The following FAM227B variants were observed in gnomAD, a reference collection of about 807,000 sequenced individuals.
FAM227B encodes the protein protein FAM227B.
Under a neutral mutation model 73.8 loss-of-function variants are expected in FAM227B, and 88 were observed. The ratio of observed to expected loss-of-function variants is 1.19; its 90% CI spans 1.00 to 1.42. FAM227B has a LOEUF of 1.42. FAM227B is among the 40% of genes most tolerant of loss of function. The pLI is 0.00. For synonymous variants in FAM227B, 210 were observed against 190.5 expected, an observed-to-expected ratio of 1.10 and a Z score of -0.84; for missense variants, 632 against 590.9, an observed-to-expected ratio of 1.07 and a Z score of -0.72.
rs556418019 is a variant in FAM227B, at chr15:49,328,088, T to C, written c.*480A>G. The C allele has an allele frequency of 1.2e-6, 2 of 1,614,114 alleles. No homozygotes were observed. Among genetic ancestry groups the C allele is most frequent in the African/African-American group, 2.7e-5 (2 of 75,032 alleles). ...TTATTACCAGAGGAGTGATGGAAGC[T>C]TAGCACCGGAGAAGCAAAGTTTGTT... On this transcript the variant is annotated 3_prime_UTR_variant, in exon 16 of 16. Transcript: ENST00000299338.
chr15:49,371,352 TA>T lies in FAM227B; in HGVS notation c.1059del (p.Tyr353Ter). 6.2e-7 allele frequency: 1 copy of T among 1,604,904 alleles called. No homozygotes were observed. The highest frequency in any genetic ancestry group is 8.5e-7 in the Non-Finnish European group (1 of 1,173,416). On this transcript the variant is annotated frameshift_variant, in exon 12 of 16. Coordinates refer to ENST00000299338, the MANE Select transcript of FAM227B (RefSeq NM_152647.3). LOFTEE classifies it high-confidence loss of function. Reference protein sequence around the residue: ...IIKILNNPRAYTLPISKEESR... With the variant: ...IIKILNNPRAXTLPISKEESR... The stretch of plus-strand genomic sequence containing the variant: ...GATTCTTCCTTGGATATGGGCAACG[TA>T]TATGCTCTTGGGTTGTTCAGAATCT...
rs546573325 is a variant in FAM227B, at chr15:49,469,648, C to A, written c.1012+38563G>T. ...TATTTACTTAAATTCCTTGATTTTA[C>A]TATAAGGCAGACAAAAAGTAGCCAA... On this transcript the variant is annotated intron_variant, in intron 11 of 15. Transcript: ENST00000299338. Among the ~76,000 whole-genome samples the A allele has an allele frequency of 8.7e-4, 132 of 152,142 alleles. 5 individuals are homozygous for A. In the South Asian group the frequency reaches 0.026, roughly 30 times the overall value.
At chr15:49,413,057 C>A (rs1379327950) in intron 11 of FAM227B, among the ~76,000 whole-genome samples, 2 of 152,060 alleles carry the variant, frequency 1.3e-5, no homozygotes, top group Non-Finnish European at 2.9e-5. Flanking sequence ...AAATATTGGA[C>A]ATCTGGAATT....
At chr15:49,530,819 T>C (rs1392496308) in intron 10 of FAM227B, among the ~76,000 whole-genome samples, 1 of 151,494 alleles carries the variant, frequency 6.6e-6, no homozygotes, top group Non-Finnish European at 1.5e-5. Flanking sequence ...AATATATTTT[T>C]ATTAATTAAA....
At chr15:49,343,230 T>C (rs1454635782) in intron 13 of FAM227B, among the ~76,000 whole-genome samples, 1 of 152,174 alleles carries the variant, frequency 6.6e-6, no homozygotes, top group Non-Finnish European at 1.5e-5. Context: ...TTCTTAATTC[T>C]TTTTTTAATT....
intron 9 of FAM227B, among the ~76,000 whole-genome samples, chr15:49,564,542 T>C (rs1267178046): frequency 2.0e-5 from 3 of 152,228 alleles, no homozygotes; most frequent in African/African-American, 7.2e-5. Flanking sequence ...TGTACTTGTA[T>C]GTTCATCACA....
intron 10 of FAM227B, among the ~76,000 whole-genome samples, chr15:49,518,741 G>A (rs552821729): frequency 6.6e-6 from 1 of 152,028 alleles, no homozygotes; most frequent in Non-Finnish European, 1.5e-5. Context: ...GGGATTATGT[G>A]CTACAATTCA....
At chr15:49,602,568 G>C (rs1325483101) in intron 3 of FAM227B, among the ~76,000 whole-genome samples, 2 of 151,990 alleles carry the variant, frequency 1.3e-5, no homozygotes, top group Non-Finnish European at 2.9e-5. Context: ...TGAGTAATTT[G>C]CAAGTATTTC....
At chr15:49,569,489 A>G (rs2074933741) in intron 8 of FAM227B, among the ~76,000 whole-genome samples, 1 of 151,552 alleles carries the variant, frequency 6.6e-6, no homozygotes, top group Non-Finnish European at 1.5e-5. Context: ...TTGATTTTTA[A>G]TGTTTTATTA....
intron 13 of FAM227B, chr15:49,365,020 A>G: frequency 2.1e-6 from 1 of 487,278 alleles, no homozygotes; most frequent in Admixed American, 3.7e-5. Flanking sequence ...ATTTGCAAAC[A>G]TATCATTGAA....
chr15:49,605,978 A>G (rs1598512262), intron 3 of FAM227B, among the ~76,000 whole-genome samples: 1 of 152,134 alleles, frequency 6.6e-6, no homozygotes, highest in East Asian at 1.9e-4. Context: ...GTCCACGGCA[A>G]AGTTATGTGC....
At chr15:49,466,633 T>C (rs1372262190) in intron 11 of FAM227B, among the ~76,000 whole-genome samples, 3 of 152,062 alleles carry the variant, frequency 2.0e-5, no homozygotes, top group Non-Finnish European at 2.9e-5. Context: ...GAGGCAAAGG[T>C]CTAGCTAAGA....
At chr15:49,372,256 G>T (rs985224303) in intron 11 of FAM227B, among the ~76,000 whole-genome samples, 1 of 150,928 alleles carries the variant, frequency 6.6e-6, no homozygotes, top group East Asian at 1.9e-4. Flanking sequence ...ATAAATAAAT[G>T]AAATAAAATT....
chr15:49,511,494 G>A (rs1001831161), intron 10 of FAM227B, among the ~76,000 whole-genome samples: 1 of 151,862 alleles, frequency 6.6e-6, no homozygotes, highest in Non-Finnish European at 1.5e-5. Flanking sequence ...AACATGTGTG[G>A]ATGTGCAGGT....
chr15:49,527,875 A>T (rs958137071), intron 10 of FAM227B, among the ~76,000 whole-genome samples: 7 of 151,946 alleles, frequency 4.6e-5, no homozygotes, highest in Non-Finnish European at 8.8e-5. Context: ...GAATCAAAAA[A>T]GATCCCATAT....
At position 49,502,763 on chromosome 15, in the gene FAM227B, A is replaced by G. The variant is rs535760810; in HGVS notation, c.1012+5448T>C. On this transcript the variant is annotated intron_variant, in intron 11 of 15. Transcript: ENST00000299338. Reference sequence around the variant, plus strand: ...GGAGGGGTCAGTGGTGAAATGATATAGTTTGGATATTTGTCCCTGTACAAA... The same window carrying G: ...GGAGGGGTCAGTGGTGAAATGATATGGTTTGGATATTTGTCCCTGTACAAA... Among the ~76,000 whole-genome samples, 133 of 152,238 alleles carry G rather than the reference A, an allele frequency of 8.7e-4. 5 individuals are homozygous for G. In the South Asian group the frequency reaches 0.026, roughly 30 times the overall value.
chr15:49,446,031 T>C (rs2052173488), intron 11 of FAM227B, among the ~76,000 whole-genome samples: 1 of 151,566 alleles, frequency 6.6e-6, no homozygotes. Context: ...CAATGTTAGT[T>C]TTCTTGTACA....
At chr15:49,610,696 C>T (rs2077848627) in intron 3 of FAM227B, among the ~76,000 whole-genome samples, 1 of 152,098 alleles carries the variant, frequency 6.6e-6, no homozygotes, top group Non-Finnish European at 1.5e-5. Flanking sequence ...ATGACCTTCA[C>T]ACTTGCAGAT....
intron 11 of FAM227B, among the ~76,000 whole-genome samples, chr15:49,438,197 T>C (rs778060812): frequency 6.6e-6 from 1 of 151,744 alleles, no homozygotes; most frequent in Non-Finnish European, 1.5e-5. Context: ...GCTTTACCCA[T>C]AGGCTATAAG....
Sources: allele counts gnomAD v4.1 joint callset (sites outside exome capture counted in the v4.1 genomes callset), GRCh38; gene constraint gnomAD v4.1.1; transcripts MANE v1.5; gene names NCBI Gene and HGNC (gene_info 2026-07-23, HGNC 2026-07-21).